The following FARP1 variants were observed in gnomAD, a reference collection of about 807,000 sequenced individuals.
FARP1 encodes the protein FERM, ARH/RhoGEF and pleckstrin domain protein 1.
Under a neutral mutation model 128.8 loss-of-function variants are expected in FARP1, and 52 were observed. The ratio of observed to expected loss-of-function variants is 0.40; its 90% CI spans 0.32 to 0.51. The LOEUF (loss-of-function observed/expected upper bound fraction) is 0.51. FARP1 is among the 20% of genes least tolerant of loss of function. The pLI is 0.45. For synonymous variants in FARP1, 580 were observed against 551.8 expected (o/e 1.05, Z -0.72); for missense variants, 1,333 against 1,367.9 (o/e 0.97, Z 0.40).
intron 1 of FARP1, among the ~76,000 whole-genome samples, chr13:98,170,094 A>G (rs1419658946): frequency 6.6e-6 from 1 of 152,148 alleles, no homozygotes; most frequent in Non-Finnish European, 1.5e-5. Context: ...TTTTTTCCAT[A>G]GCAACTCTTC....
At chr13:98,383,440 G>A (rs934992790) in intron 6 of FARP1, among the ~76,000 whole-genome samples, 4 of 152,226 alleles carry the variant, frequency 2.6e-5, no homozygotes, top group African/African-American at 9.6e-5. Flanking sequence ...TGCCAGGTGA[G>A]TTGGCATGGC....
At chr13:98,384,477 G>A in intron 6 of FARP1, 1 of 513,536 alleles carries the variant, frequency 1.9e-6, no homozygotes, top group East Asian at 3.2e-5. Flanking sequence ...ACAGGCATGA[G>A]CTACTGTGCC....
chr13:98,379,153 T>TCTATATATAATATATAATCTATATATA (rs1555342095), intron 6 of FARP1, among the ~76,000 whole-genome samples: 1 of 73,014 alleles, frequency 1.4e-5, no homozygotes, highest in South Asian at 3.6e-4. Flanking sequence ...CTATATATAA[T>TCTATATATAATATATAATCTATATATA]ATATATATAA....
intron 9 of FARP1, chr13:98,389,562 A>G (rs1185258769): frequency 1.3e-5 from 2 of 159,756 alleles, no homozygotes; most frequent in Admixed American, 6.1e-5. Context: ...GACACGAAGT[A>G]TGAGGAAGAG....
chr13:98,163,840 C>T (rs1447142406), intron 1 of FARP1, among the ~76,000 whole-genome samples: 1 of 152,084 alleles, frequency 6.6e-6, no homozygotes, highest in African/African-American at 2.4e-5. Flanking sequence ...TCCCCAGTAG[C>T]TGGGATGACA....
intron 13 of FARP1, chr13:98,396,206 C>T: frequency 2.5e-6 from 1 of 399,162 alleles, no homozygotes; most frequent in Admixed American, 4.4e-5. Context: ...GGCACACCCC[C>T]CATGGGTGCA....
intron 1 of FARP1, among the ~76,000 whole-genome samples, chr13:98,173,039 TA>T (rs1396750474): frequency 6.6e-6 from 1 of 152,176 alleles, no homozygotes; most frequent in African/African-American, 2.4e-5. Flanking sequence ...TCATAAATAA[TA>T]GTAGTTAAGG....
chr13:98,199,958 CA>C (rs1241125519), intron 1 of FARP1, among the ~76,000 whole-genome samples: 1 of 152,092 alleles, frequency 6.6e-6, no homozygotes, highest in African/African-American at 2.4e-5. Context: ...TTCTGGAGAT[CA>C]AAAAGCCTTC....
intron 1 of FARP1, among the ~76,000 whole-genome samples, chr13:98,168,907 A>G (rs1877463648): frequency 1.3e-5 from 2 of 152,166 alleles, no homozygotes; most frequent in Admixed American, 6.5e-5. Flanking sequence ...GACTCACCCA[A>G]TGTGGTTTGC....
At chr13:98,165,951 C>G (rs555246028) in intron 1 of FARP1, among the ~76,000 whole-genome samples, 36 of 151,926 alleles carry the variant, frequency 2.4e-4, no homozygotes, top group Non-Finnish European at 4.7e-4. Context: ...ACCTCCTGAT[C>G]TCAGGTGATC....
chr13:98,396,121 A>T, intron 13 of FARP1: 1 of 399,178 alleles, frequency 2.5e-6, no homozygotes, highest in Non-Finnish European at 4.4e-6. Flanking sequence ...CCCGGAGGCC[A>T]TGGATGGGCT....
At chr13:98,178,503 A>G (rs1878268792) in intron 1 of FARP1, among the ~76,000 whole-genome samples, 1 of 152,208 alleles carries the variant, frequency 6.6e-6, no homozygotes. Context: ...GCCTTCAAAT[A>G]TTTTTAACCC....
At chr13:98,376,093 G>A (rs1889570676) in intron 5 of FARP1, among the ~76,000 whole-genome samples, 1 of 152,102 alleles carries the variant, frequency 6.6e-6, no homozygotes, top group South Asian at 2.1e-4. Context: ...TGCGGGGCAG[G>A]GGGTGGTATC....
rs10536692 is a variant in FARP1, at chr13:98,308,033, CTTTTTT to C, written c.172-35702_172-35697del. Among the ~76,000 whole-genome samples the C allele has an allele frequency of 5.9e-3, 101 of 16,976 alleles. 4 individuals carry two copies. Among genetic ancestry groups the C allele is most frequent in the African/African-American group, 0.014 (91 of 6,648 alleles). 11.1% of individuals were successfully genotyped at this position (16,976 alleles called of 152,430 possible). A position where few individuals can be genotyped will look rare whatever the true frequency, so the allele number is the denominator to read the frequency against. On this transcript the variant is annotated intron_variant, in intron 2 of 26. Transcript: ENST00000319562. Reference sequence around the variant, plus strand: ...CCCTCCGCCCGCCCCCACTCTCTCTCTTTTTTTTTTTTTTTTTTTTTTTTTTTTTTT... The same window carrying C: ...CCCTCCGCCCGCCCCCACTCTCTCTCTTTTTTTTTTTTTTTTTTTTTTTTT...
chr13:98,407,679 C>T (rs1361135900), intron 13 of FARP1, among the ~76,000 whole-genome samples: 1 of 152,158 alleles, frequency 6.6e-6, no homozygotes, highest in African/African-American at 2.4e-5. Context: ...ATCTTGCTAT[C>T]CAAGGATCAT....
At chr13:98,304,320 T>G (rs938993796) in intron 2 of FARP1, among the ~76,000 whole-genome samples, 2 of 152,222 alleles carry the variant, frequency 1.3e-5, no homozygotes, top group Non-Finnish European at 2.9e-5. Flanking sequence ...GAGTTTATCT[T>G]TATGATTTTC....
intron 13 of FARP1, 110 bp downstream of exon 13, chr13:98,395,586 GTCCCGA>G (rs1471782746): frequency 8.3e-6 from 11 of 1,322,818 alleles, no homozygotes; most frequent in Non-Finnish European, 1.1e-5. Flanking sequence ...CCCGATCCCG[GTCCCGA>G]TCCCGGTCCC....
chr13:98,271,988 C>G (rs1238772493), intron 2 of FARP1, among the ~76,000 whole-genome samples: 1 of 152,048 alleles, frequency 6.6e-6, no homozygotes, highest in African/African-American at 2.4e-5. Context: ...ATTTCTAGTT[C>G]TAGATCCTTG....
chr13:98,204,693 G>A (rs1368642166), intron 1 of FARP1, among the ~76,000 whole-genome samples: 1 of 152,176 alleles, frequency 6.6e-6, no homozygotes, highest in Non-Finnish European at 1.5e-5. Flanking sequence ...GCATGTGGTG[G>A]CTTATGCCTG....
Sources: allele counts gnomAD v4.1 joint callset (sites outside exome capture counted in the v4.1 genomes callset), GRCh38; gene constraint gnomAD v4.1.1; transcripts MANE v1.5; gene names NCBI Gene and HGNC (gene_info 2026-07-23, HGNC 2026-07-21).